The following MEI1 variants were observed in gnomAD, a reference collection of about 807,000 sequenced individuals.
The protein encoded by MEI1 is meiotic double-stranded break formation protein 1, also known as meiosis inhibitor protein 1.
MEI1 carries 103 observed loss-of-function variants against 146.2 expected under a neutral mutation model. The ratio of observed to expected loss-of-function variants is 0.70; its 90% CI spans 0.60 to 0.83. The LOEUF (loss-of-function observed/expected upper bound fraction) is 0.83. Among genes scored for constraint, MEI1 ranks in the 40% least tolerant of loss-of-function variants. MEI1 has a pLI of 0.00. For missense variants in MEI1, 1,529 were observed against 1,533.0 expected, an observed-to-expected ratio of 1.00 and a Z score of 0.04; for synonymous variants, 652 against 628.2, an observed-to-expected ratio of 1.04 and a Z score of -0.57.
chr22:41,735,384 A>G (rs531874714), intron 11 of MEI1, among the ~76,000 whole-genome samples: 1 of 151,388 alleles, frequency 6.6e-6, no homozygotes, highest in South Asian at 2.1e-4. Context: ...ACAGGCATGC[A>G]CCACTACACC....
intron 3 of MEI1, chr22:41,709,440 C>T (rs2147266835): frequency 1.5e-6 from 1 of 683,858 alleles, no homozygotes; most frequent in Non-Finnish European, 2.7e-6. Context: ...CGTCCTTCAC[C>T]TTGGCTTTAT....
At chr22:41,712,087 C>T (rs528787350) in intron 3 of MEI1, among the ~76,000 whole-genome samples, 1 of 145,706 alleles carries the variant, frequency 6.9e-6, no homozygotes, top group East Asian at 2.1e-4. Context: ...GCCTGTAATC[C>T]CAACTACTCG....
At chr22:41,749,677 CTATGAGT>C (rs2073610103) in intron 15 of MEI1, among the ~76,000 whole-genome samples, 1 of 152,192 alleles carries the variant, frequency 6.6e-6, no homozygotes, top group Admixed American at 6.5e-5. Context: ...GCAGTGTGGA[CTATGAGT>C]TAGAGGGAGG....
chr22:41,742,965 G>C, intron 11 of MEI1, 115 bp from the exon 12 acceptor site: 3 of 698,684 alleles, frequency 4.3e-6, no homozygotes, highest in East Asian at 2.8e-5. Flanking sequence ...ATTTTTATCA[G>C]ATTAGATTCC....
chr22:41,736,739 C>T (rs1421921122), intron 11 of MEI1, among the ~76,000 whole-genome samples: 1 of 152,016 alleles, frequency 6.6e-6, no homozygotes, highest in Admixed American at 6.6e-5. Context: ...TAGGGGACCA[C>T]CTGAATAATC....
intron 5 of MEI1, among the ~76,000 whole-genome samples, chr22:41,716,531 C>T (rs1045821592): frequency 6.6e-6 from 1 of 151,442 alleles, no homozygotes; most frequent in South Asian, 2.1e-4. Flanking sequence ...CATGTGCCAC[C>T]ACGCTGGACT....
chr22:41,746,962 A>G (rs1250776519), intron 14 of MEI1, among the ~76,000 whole-genome samples: 1 of 152,182 alleles, frequency 6.6e-6, no homozygotes, highest in Non-Finnish European at 1.5e-5. Context: ...AGCTAAATCT[A>G]GAAGTAGATC....
chr22:41,714,187 C>T, intron 4 of MEI1, 112 bp downstream of exon 4: 1 of 971,074 alleles, frequency 1.0e-6, no homozygotes, highest in Non-Finnish European at 1.6e-6. Flanking sequence ...AGGAGCTTTC[C>T]TGAGGTCACT....
chr22:41,773,709 A>G (rs2075304354), intron 20 of MEI1, among the ~76,000 whole-genome samples: 1 of 152,074 alleles, frequency 6.6e-6, no homozygotes, highest in Admixed American at 6.6e-5. Flanking sequence ...CCCTGTCTCT[A>G]CTAAAAATAC....
At chr22:41,773,585 C>A (rs981396755) in intron 20 of MEI1, among the ~76,000 whole-genome samples, 91 of 144,580 alleles carry the variant, frequency 6.3e-4, no homozygotes, top group African/African-American at 2.3e-3. Flanking sequence ...AAAAAAAGAA[C>A]AGCAAGGAGG....
rs1391970603 is a variant in MEI1, at chr22:41,699,696, C to T, written c.158C>T (p.Pro53Leu). ...CTGGCCTGCGCGCTGGAGCTGCTGC[C>T]GGACCCCGGCGTGTCGGTGCGGGCG... ...LCLACALELL[P>L]DPGVSLVRKK... is the part of the protein sequence containing the mutation. Residue 53 changes from proline to leucine, a missense_variant, in exon 1 of 31, where the codon CCG (proline) becomes CTG (leucine). This residue lies in a region of MEI1 where 1,212 missense variants were observed against 1,178.9 expected (regional missense o/e 1.03). Coordinates refer to ENST00000401548, the MANE Select transcript of MEI1 (RefSeq NM_152513.4). 3.8e-6 allele frequency: 6 copies of T among 1,580,948 alleles called. No homozygotes were observed. The highest frequency in any genetic ancestry group is 1.8e-4 in the Middle Eastern group (1 of 5,554).
chr22:41,762,227 T>G (rs144456164), intron 18 of MEI1, among the ~76,000 whole-genome samples: 43 of 152,160 alleles, frequency 2.8e-4, no homozygotes, highest in Non-Finnish European at 4.7e-4. Flanking sequence ...TTGCTGTCTT[T>G]TCGCTTTCTT....
chr22:41,735,475 C>T (rs1352408818), intron 11 of MEI1, among the ~76,000 whole-genome samples: 1 of 152,138 alleles, frequency 6.6e-6, no homozygotes, highest in Non-Finnish European at 1.5e-5. Context: ...CTCAGGTGAT[C>T]CCCCACCTTG....
At chr22:41,773,459 T>C (rs996714482) in intron 20 of MEI1, among the ~76,000 whole-genome samples, 1 of 151,594 alleles carries the variant, frequency 6.6e-6, no homozygotes, top group African/African-American at 2.4e-5. Context: ...GAGAAGCTAA[T>C]TGAATTGCCC....
chr22:41,775,309 T>C (rs1043871047), intron 20 of MEI1, among the ~76,000 whole-genome samples: 20 of 152,128 alleles, frequency 1.3e-4, no homozygotes, highest in African/African-American at 4.8e-4. Context: ...GTGCACTGAA[T>C]CTGTCCTAAT....
intron 22 of MEI1, 157 bp downstream of exon 22, chr22:41,778,969 C>G (rs1394971184): frequency 1.0e-5 from 6 of 583,332 alleles, no homozygotes; most frequent in South Asian, 1.0e-4. Flanking sequence ...GCTAAAGGAC[C>G]TCTCAGGGCT....
intron 11 of MEI1, among the ~76,000 whole-genome samples, chr22:41,739,148 A>C (rs1164060238): frequency 6.6e-6 from 1 of 152,044 alleles, no homozygotes; most frequent in Non-Finnish European, 1.5e-5. Context: ...TACAAAAAAA[A>C]AAAAAATTAG....
At chr22:41,705,620 A>G in intron 3 of MEI1, 66 bp downstream of exon 3, 1 of 1,423,158 alleles carries the variant, frequency 7.0e-7, no homozygotes, top group Non-Finnish European at 9.9e-7. Context: ...AGCTCTGGTT[A>G]CTTGAGACCT....
intron 14 of MEI1, among the ~76,000 whole-genome samples, chr22:41,746,953 G>C (rs982561103): frequency 2.5e-4 from 38 of 152,064 alleles, no homozygotes; most frequent in African/African-American, 8.7e-4. Context: ...AAGTGTTAGA[G>C]CTAAATCTAG....
Sources: allele counts gnomAD v4.1 joint callset (sites outside exome capture counted in the v4.1 genomes callset), GRCh38; gene constraint gnomAD v4.1.1; regional missense constraint gnomAD v4.1.1; transcripts MANE v1.5; gene names NCBI Gene and HGNC (gene_info 2026-07-23, HGNC 2026-07-21).